The following OTUD7A variants were observed in gnomAD, a reference collection of about 807,000 sequenced individuals.
The protein encoded by OTUD7A is OTU deubiquitinase 7A, also known as OTU domain-containing protein 7A.
OTUD7A carries 12 observed loss-of-function variants against 65.7 expected under a neutral mutation model. That is an observed-to-expected ratio of 0.18 (90% CI 0.12 to 0.30). The LOEUF is 0.30. Among genes scored for constraint, OTUD7A ranks in the 10% least tolerant of loss-of-function variants. The probability of loss-of-function intolerance (pLI) is 1.00; values close to 1 mark genes in which losing one functional copy is unlikely to be tolerated. For synonymous variants in OTUD7A, 641 were observed against 586.3 expected (o/e 1.09, Z -1.35); for missense variants, 1,148 against 1,304.8 (o/e 0.88, Z 1.85).
intron 3 of OTUD7A, among the ~76,000 whole-genome samples, chr15:31,630,916 C>CT (rs1421363681): frequency 2.0e-5 from 3 of 151,826 alleles, no homozygotes; most frequent in Admixed American, 1.3e-4. Context: ...CAACCCCTGC[C>CT]TTTTTTTGTT....
At chr15:31,693,025 T>C (rs1285545477) in intron 1 of OTUD7A, among the ~76,000 whole-genome samples, 1 of 151,928 alleles carries the variant, frequency 6.6e-6, no homozygotes, top group Admixed American at 6.6e-5. Flanking sequence ...TTCTAGGAAA[T>C]GGGCTTTAAT....
chr15:31,522,381 C>T (rs982601251), intron 8 of OTUD7A, among the ~76,000 whole-genome samples: 12 of 152,194 alleles, frequency 7.9e-5, no homozygotes, highest in Non-Finnish European at 1.5e-4. Flanking sequence ...TGGATCCACA[C>T]CATCAGTTCT....
intron 10 of OTUD7A, among the ~76,000 whole-genome samples, chr15:31,490,166 A>G (rs1488701341): frequency 6.6e-6 from 1 of 152,164 alleles, no homozygotes; most frequent in East Asian, 1.9e-4. Context: ...ACACCCTGAC[A>G]TTTCCCTATT....
At chr15:31,813,019 G>A (rs1043527636) in intron 1 of OTUD7A, among the ~76,000 whole-genome samples, 2 of 152,158 alleles carry the variant, frequency 1.3e-5, no homozygotes, top group African/African-American at 4.8e-5. Flanking sequence ...CCCTTCCCTG[G>A]CCACTTTCGG....
chr15:31,627,027 T>C (rs1420012827), intron 3 of OTUD7A, among the ~76,000 whole-genome samples: 4 of 152,120 alleles, frequency 2.6e-5, no homozygotes, highest in Admixed American at 6.5e-5. Flanking sequence ...CTCCTCCACG[T>C]TGATGGCATC....
intron 10 of OTUD7A, among the ~76,000 whole-genome samples, chr15:31,500,531 G>A (rs74010670): frequency 0.014 from 2,119 of 152,310 alleles, 56 homozygotes; most frequent in African/African-American, 0.049. Flanking sequence ...CCTCATTCCC[G>A]ACTCAACTGC....
chr15:31,506,920 C>T (rs544704310), intron 8 of OTUD7A, among the ~76,000 whole-genome samples: 1 of 152,096 alleles, frequency 6.6e-6, no homozygotes, highest in East Asian at 1.9e-4. Context: ...GATGAGGTGA[C>T]CATTTAAGTG....
Position 31,479,437 on chromosome 15 carries a change from A to C in OTUD7A, c.*3857T>G, listed in dbSNP as rs766982608. 6.6e-6 allele frequency: 1 copy of C among 152,256 alleles called. No individual in the cohort carries two copies. The highest frequency in any genetic ancestry group is 1.5e-5 in the Non-Finnish European group (1 of 68,046). The allele number at this position is 152,256 out of a possible 1,614,324, so 9.4% of individuals were successfully genotyped here. A position where few individuals can be genotyped will look rare whatever the true frequency, so the allele number is the denominator to read the frequency against. On this transcript the variant is annotated 3_prime_UTR_variant, in exon 13 of 13. Coordinates refer to ENST00000307050, the MANE Select transcript of OTUD7A (RefSeq NM_001382637.1). ...CATGGCCATAAAGAAAGGAGCCCCA[A>C]ACATACAGTAGATGCCTTCAGCTTT... is the stretch of plus-strand genomic sequence containing the variant.
At position 31,574,274 on chromosome 15, in the gene OTUD7A, A is replaced by G. The variant is rs527301168; in HGVS notation, c.152-4077T>C. ...AATAAAAAGCTAAGATAACATAGTG[A>G]AAGACATTTAAAATATTTACACAGA... On this transcript the variant is annotated intron_variant, in intron 3 of 12. Coordinates refer to ENST00000307050, the MANE Select transcript of OTUD7A (RefSeq NM_001382637.1). 7.8e-4 allele frequency among the ~76,000 whole-genome samples: 119 copies of G among 152,326 alleles called. 1 individual carries two copies. Among genetic ancestry groups the G allele is most frequent in the Non-Finnish European group, 1.2e-3 (81 of 68,026 alleles).
intron 1 of OTUD7A, among the ~76,000 whole-genome samples, chr15:31,751,391 G>C (rs753279816): frequency 1.8e-4 from 28 of 152,090 alleles, no homozygotes; most frequent in Admixed American, 2.6e-4. Flanking sequence ...AGTCAGAATG[G>C]CCATTATTAA....
chr15:31,499,675 C>G (rs11639068), intron 10 of OTUD7A, among the ~76,000 whole-genome samples: 23,229 of 152,222 alleles, frequency 0.15, 2,389 homozygotes, highest in Non-Finnish European at 0.23. Flanking sequence ...TGCAGTGGGT[C>G]GTGGGGACCT....
At position 31,698,007 on chromosome 15, in the gene OTUD7A, G is replaced by A. The variant is rs1893124013; in HGVS notation, c.-99-40930C>T. Among the ~76,000 whole-genome samples the A allele has an allele frequency of 2.0e-5, 3 of 152,060 alleles. No individual in the cohort carries two copies. The South Asian group carries it at 6.2e-4, about 32-fold the overall frequency. On this transcript the variant is annotated intron_variant, in intron 1 of 12. Coordinates refer to ENST00000307050, the MANE Select transcript of OTUD7A (RefSeq NM_001382637.1). ...CTACTGCTCATCAGGCAGCTTCACT[G>A]ACTCCCACCAGGACAGCAGCCAAGC...
chr15:31,555,067 C>T (rs1262263153), intron 5 of OTUD7A, among the ~76,000 whole-genome samples: 3 of 152,120 alleles, frequency 2.0e-5, no homozygotes, highest in African/African-American at 4.8e-5. Context: ...CAAAAATAGA[C>T]GGGGCTGCCT....
At chr15:31,753,704 A>ATATATATATATATTAAT (rs1399692661) in intron 1 of OTUD7A, among the ~76,000 whole-genome samples, 1 of 15,318 alleles carries the variant, frequency 6.5e-5, no homozygotes, top group South Asian at 1.5e-3. Flanking sequence ...TATATATATT[A>ATATATATATATATTAAT]TATATATATA....
At chr15:31,799,275 G>A (rs970060673) in intron 1 of OTUD7A, among the ~76,000 whole-genome samples, 2 of 152,178 alleles carry the variant, frequency 1.3e-5, no homozygotes, top group South Asian at 2.1e-4. Flanking sequence ...GAATAACACA[G>A]TTTCATTCTC....
At chr15:31,759,337 T>C (rs185149168) in intron 1 of OTUD7A, among the ~76,000 whole-genome samples, 1 of 152,298 alleles carries the variant, frequency 6.6e-6, no homozygotes, top group Admixed American at 6.5e-5. Flanking sequence ...CCAGAGTCAA[T>C]TACCACTTAT....
chr15:31,865,073 C>T (rs913886906), intron 1 of OTUD7A, among the ~76,000 whole-genome samples: 3 of 152,192 alleles, frequency 2.0e-5, no homozygotes, highest in African/African-American at 7.2e-5. Context: ...TCATCAAGTC[C>T]AAGTGAGCTG....
At chr15:31,737,361 A>G (rs1894219888) in intron 1 of OTUD7A, among the ~76,000 whole-genome samples, 1 of 152,234 alleles carries the variant, frequency 6.6e-6, no homozygotes, top group African/African-American at 2.4e-5. Context: ...AGCGGTTTAC[A>G]GAAATGGAAT....
intron 1 of OTUD7A, among the ~76,000 whole-genome samples, chr15:31,801,181 A>G (rs893427476): frequency 2.0e-5 from 3 of 152,296 alleles, no homozygotes; most frequent in East Asian, 3.9e-4. Context: ...AACACACTCA[A>G]CACAGGCAGG....
Sources: allele counts gnomAD v4.1 joint callset (sites outside exome capture counted in the v4.1 genomes callset), GRCh38; gene constraint gnomAD v4.1.1; transcripts MANE v1.5; gene names NCBI Gene and HGNC (gene_info 2026-07-23, HGNC 2026-07-21).